The following CAB39 variants were observed in gnomAD, a reference collection of about 807,000 sequenced individuals.
CAB39 encodes the protein calcium binding protein 39.
CAB39 carries 8 observed loss-of-function variants against 40.0 expected under a neutral mutation model. That is an observed-to-expected ratio of 0.20 (90% confidence interval 0.12 to 0.36). The LOEUF (loss-of-function observed/expected upper bound fraction) is 0.36. CAB39 is among the 10% of genes least tolerant of loss of function. The pLI, the probability that CAB39 is intolerant of heterozygous loss-of-function variation, is 1.00. For missense variants in CAB39, 270 were observed against 401.1 expected (o/e 0.67, Z 2.79); for synonymous variants, 156 against 141.6 (o/e 1.10, Z -0.72).
chr2:230,733,304 C>T (rs923606359), intron 1 of CAB39, among the ~76,000 whole-genome samples: 3 of 151,312 alleles, frequency 2.0e-5, no homozygotes, highest in Non-Finnish European at 2.9e-5. Flanking sequence ...TTTTTTGACC[C>T]CCTCCTCTCA....
intron 4 of CAB39, 40 bp from the exon 5 acceptor site, chr2:230,798,689 A>G (rs2124966409): frequency 6.5e-7 from 1 of 1,544,658 alleles, no homozygotes; most frequent in Non-Finnish European, 8.8e-7. Flanking sequence ...TGAAAAAGCA[A>G]TCATGTTTGG....
chr2:230,726,199 G>C (rs551255590), intron 1 of CAB39, among the ~76,000 whole-genome samples: 17 of 151,568 alleles, frequency 1.1e-4, no homozygotes, highest in Non-Finnish European at 2.4e-4. Flanking sequence ...GTCTCTCTCT[G>C]TTACCTAGGC....
rs115454990 is a variant in CAB39 at position 230,792,006 on chromosome 2, T to C, written c.279+970T>C. ...CAGGTGCTTGAAAGACAGGTACATG[T>C]TCCAGAGGAGAAAATGACAGACGTA... On this transcript the variant is annotated intron_variant, in intron 3 of 8. Transcript: ENST00000258418. Among the ~76,000 whole-genome samples, 718 of 152,318 alleles carry C rather than the reference T, an allele frequency of 4.7e-3. 5 individuals carry two copies. Among genetic ancestry groups the C allele is most frequent in the African/African-American group, 0.016 (675 of 41,556 alleles).
rs955119884 is a variant in CAB39, at chr2:230,818,079, G to A, written c.837+182G>A. 1.2e-5 allele frequency: 7 copies of A among 583,040 alleles called. No homozygotes were observed. The East Asian group carries it at 2.2e-4, about 18-fold the overall frequency. 36.1% of individuals were successfully genotyped at this position (583,040 alleles called of 1,614,324 possible). ...AAGGTAGACCTGGAAACGGGTTACT[G>A]TTTGGATCTGGGAACGAGAAGGTTT... On this transcript the variant is annotated intron_variant, in intron 8 of 8. Transcript: ENST00000258418.
intron 5 of CAB39, 175 bp downstream of exon 5, chr2:230,799,072 G>C: frequency 2.0e-6 from 1 of 505,846 alleles, no homozygotes; most frequent in Non-Finnish European, 3.4e-6. Flanking sequence ...AGCTTTAAAA[G>C]GGTGGAAAAG....
chr2:230,756,229 A>G (rs935371062), intron 1 of CAB39, among the ~76,000 whole-genome samples: 1 of 152,246 alleles, frequency 6.6e-6, no homozygotes, highest in African/African-American at 2.4e-5. Context: ...AGTGTACAGT[A>G]CTTACACAAA....
rs1419113348 is a variant in CAB39 at position 230,791,020 on chromosome 2, A to T, written c.263A>T (p.Gln88Leu). 6.3e-7 allele frequency: 1 copy of T among 1,592,302 alleles called. No homozygotes were observed. Among genetic ancestry groups the T allele is most frequent in the African/African-American group, 1.4e-5 (1 of 73,290 alleles). Residue 88 changes from glutamine (Q) to leucine (L), a missense_variant, in exon 3 of 9, where the codon CAG becomes CTG. By Grantham distance (113) the Gln-to-Leu change is moderately radical (BLOSUM62 -2). Transcript: ENST00000258418. The part of the protein sequence containing the change: ...GLLSTLVADL[Q>L]LIDFEGKKDV... ...CTTAGCACCCTGGTAGCTGATTTAC[A>T]GCTCATTGACTTTGAGGTAAGAAAT...
intron 1 of CAB39, among the ~76,000 whole-genome samples, chr2:230,714,840 T>C (rs572935292): frequency 6.6e-6 from 1 of 152,362 alleles, no homozygotes; most frequent in South Asian, 2.1e-4. Flanking sequence ...ATCTAGAATA[T>C]ACGATCTGTG....
intron 1 of CAB39, among the ~76,000 whole-genome samples, chr2:230,755,870 A>C (rs772037356): frequency 6.6e-6 from 1 of 152,216 alleles, no homozygotes; most frequent in Non-Finnish European, 1.5e-5. Flanking sequence ...TCTTTAAACC[A>C]CTGGAACCCT....
chr2:230,753,139 G>A (rs1388171054), intron 1 of CAB39, among the ~76,000 whole-genome samples: 1 of 152,164 alleles, frequency 6.6e-6, no homozygotes, highest in African/African-American at 2.4e-5. Context: ...ATGCAGGAAA[G>A]GAAAGGGCAT....
intron 1 of CAB39, among the ~76,000 whole-genome samples, chr2:230,745,916 G>C (rs539810183): frequency 6.6e-6 from 1 of 151,954 alleles, no homozygotes; most frequent in Non-Finnish European, 1.5e-5. Flanking sequence ...GAGCCACCGC[G>C]CCTGGCCAAA....
intron 1 of CAB39, among the ~76,000 whole-genome samples, chr2:230,731,789 C>A (rs1694694857): frequency 6.6e-6 from 1 of 152,098 alleles, no homozygotes; most frequent in Non-Finnish European, 1.5e-5. Flanking sequence ...GCCACCATGC[C>A]CAGCTGAATT....
At chr2:230,717,631 C>T (rs969920261) in intron 1 of CAB39, among the ~76,000 whole-genome samples, 2 of 152,178 alleles carry the variant, frequency 1.3e-5, no homozygotes, top group African/African-American at 4.8e-5. Flanking sequence ...TTCTCAGGCC[C>T]TCCGAGGATT....
At chr2:230,818,433 G>A in intron 8 of CAB39, 83 bp from the exon 9 acceptor site, 1 of 1,139,610 alleles carries the variant, frequency 8.8e-7, no homozygotes, top group South Asian at 1.5e-5. Flanking sequence ...GCACAGCTCT[G>A]CTTTTCTGCA....
intron 5 of CAB39, among the ~76,000 whole-genome samples, chr2:230,809,147 G>A (rs916480007): frequency 2.0e-5 from 3 of 152,144 alleles, no homozygotes; most frequent in Non-Finnish European, 4.4e-5. Context: ...CTTTCGGGAA[G>A]GGCTTTCACA....
chr2:230,801,192 G>A (rs147272026), intron 5 of CAB39, among the ~76,000 whole-genome samples: 4 of 152,272 alleles, frequency 2.6e-5, no homozygotes, highest in East Asian at 1.9e-4. Context: ...CTACAGCCAA[G>A]ACAACATGTG....
At chr2:230,775,266 T>C (rs1308318254) in intron 2 of CAB39, among the ~76,000 whole-genome samples, 2 of 151,680 alleles carry the variant, frequency 1.3e-5, no homozygotes, top group African/African-American at 4.8e-5. Flanking sequence ...AAACAGACTC[T>C]AGCTCTGTTG....
At chr2:230,728,246 A>G (rs1478229697) in intron 1 of CAB39, among the ~76,000 whole-genome samples, 1 of 152,168 alleles carries the variant, frequency 6.6e-6, no homozygotes, top group African/African-American at 2.4e-5. Context: ...TCAAAAATAA[A>G]TAAATAAATA....
intron 2 of CAB39, among the ~76,000 whole-genome samples, chr2:230,776,977 G>A (rs1466715701): frequency 6.6e-6 from 1 of 152,096 alleles, no homozygotes; most frequent in Non-Finnish European, 1.5e-5. Flanking sequence ...TTGAGCCACC[G>A]CACCTGGCCT....
Sources: gnomAD v4.1 joint callset for allele counts (sites outside exome capture counted in the v4.1 genomes callset) on GRCh38, gnomAD v4.1.1 for gene constraint, MANE v1.5 for transcripts, NCBI Gene and HGNC (gene_info 2026-07-23, HGNC 2026-07-21) for gene names.